The following SPOCK1 variants were observed in gnomAD, a reference collection of about 807,000 sequenced individuals.
SPOCK1 encodes testican-1.
SPOCK1 carries 23 observed loss-of-function variants against 55.3 expected under a neutral mutation model. The ratio of observed to expected loss-of-function variants is 0.42; its 90% CI spans 0.30 to 0.59. The LOEUF (loss-of-function observed/expected upper bound fraction) is 0.59, where lower values mean the gene tolerates loss of function less well. SPOCK1 is among the 20% of genes least tolerant of loss of function. The pLI, the probability that SPOCK1 is intolerant of heterozygous loss-of-function variation, is 0.22. For synonymous variants in SPOCK1, 226 were observed against 221.0 expected (o/e 1.02, Z -0.20); for missense variants, 499 against 552.5 (o/e 0.90, Z 0.97).
intron 2 of SPOCK1, among the ~76,000 whole-genome samples, chr5:137,440,681 T>C (rs1030464660): frequency 5.3e-5 from 8 of 152,228 alleles, no homozygotes; most frequent in African/African-American, 1.9e-4. Flanking sequence ...AAATGGAAAT[T>C]GTGTCGTGAT....
chr5:136,996,863 G>A (rs1161076951), intron 6 of SPOCK1, among the ~76,000 whole-genome samples: 1 of 152,124 alleles, frequency 6.6e-6, no homozygotes. Context: ...ACCCCAGCCA[G>A]CAGCGGCAAC....
At chr5:137,447,628 C>CG (rs1580932490) in intron 2 of SPOCK1, among the ~76,000 whole-genome samples, 8 of 78 alleles carry the variant, frequency 0.1, no homozygotes, top group Non-Finnish European at 0.16. Flanking sequence ...ATATGACCCA[C>CG]ACCACCACCA....
At chr5:137,036,837 G>C (rs1737332616) in intron 6 of SPOCK1, among the ~76,000 whole-genome samples, 1 of 152,156 alleles carries the variant, frequency 6.6e-6, no homozygotes, top group African/African-American at 2.4e-5. Flanking sequence ...CATTTAAAGT[G>C]CTATTGATTT....
intron 2 of SPOCK1, among the ~76,000 whole-genome samples, chr5:137,306,127 G>A (rs1032752149): frequency 6.6e-6 from 1 of 152,188 alleles, no homozygotes; most frequent in Non-Finnish European, 1.5e-5. Context: ...TAAGAATGGG[G>A]CGAGAAGTCA....
intron 2 of SPOCK1, among the ~76,000 whole-genome samples, chr5:137,287,570 C>G (rs537537769): frequency 6.6e-6 from 1 of 152,234 alleles, no homozygotes; most frequent in East Asian, 1.9e-4. Context: ...AGAAACTACA[C>G]TTTCCATTTT....
chr5:137,155,878 C>G (rs1326502690), intron 3 of SPOCK1, among the ~76,000 whole-genome samples: 1 of 152,152 alleles, frequency 6.6e-6, no homozygotes, highest in African/African-American at 2.4e-5. Flanking sequence ...GAGGGCAGAC[C>G]CACTGGGCGG....
At chr5:137,154,389 G>T (rs1754374567) in intron 3 of SPOCK1, among the ~76,000 whole-genome samples, 1 of 152,236 alleles carries the variant, frequency 6.6e-6, no homozygotes, top group Non-Finnish European at 1.5e-5. Flanking sequence ...GCCACAATCT[G>T]ACAAGACAGA....
chr5:137,012,349 G>A (rs925999927), intron 6 of SPOCK1, among the ~76,000 whole-genome samples: 5 of 152,120 alleles, frequency 3.3e-5, no homozygotes, highest in Admixed American at 2.0e-4. Flanking sequence ...AGGACGAGCT[G>A]GAGAAAGAAG....
chr5:137,242,335 G>T (rs1756298838), intron 3 of SPOCK1, among the ~76,000 whole-genome samples: 1 of 152,140 alleles, frequency 6.6e-6, no homozygotes, highest in African/African-American at 2.4e-5. Context: ...TCTCATGATG[G>T]TGAATAAGTC....
rs139974777 is a variant in SPOCK1, at chr5:137,403,625, G to A, written c.186+94748C>T. Among the ~76,000 whole-genome samples, 3 of 152,140 alleles carry A rather than the reference G, an allele frequency of 2.0e-5. No homozygotes were observed. The East Asian group carries it at 5.9e-4, about 30-fold the overall frequency. Reference sequence around the variant, plus strand: ...GCCAGGTTGTAGTAATAAATGGGATGGTGAGGGAGGCCTCCTTGGTGAGGA... The same window carrying A: ...GCCAGGTTGTAGTAATAAATGGGATAGTGAGGGAGGCCTCCTTGGTGAGGA... On this transcript the variant is annotated intron_variant, in intron 2 of 10. Transcript: ENST00000394945.
intron 2 of SPOCK1, among the ~76,000 whole-genome samples, chr5:137,339,860 G>A (rs1385807599): frequency 1.3e-5 from 2 of 152,126 alleles, no homozygotes; most frequent in Non-Finnish European, 2.9e-5. Context: ...CAAATTGGAA[G>A]CCCCTGGGAT....
chr5:137,232,531 C>A (rs757009586), intron 3 of SPOCK1, among the ~76,000 whole-genome samples: 1 of 152,190 alleles, frequency 6.6e-6, no homozygotes, highest in Non-Finnish European at 1.5e-5. Context: ...TTCTGTTTCA[C>A]GGATCCATGT....
intron 3 of SPOCK1, among the ~76,000 whole-genome samples, chr5:137,185,032 A>G (rs1755039774): frequency 1.3e-5 from 2 of 152,134 alleles, no homozygotes; most frequent in African/African-American, 2.4e-5. Context: ...TGTCTTGTTG[A>G]CCACTGTATC....
intron 3 of SPOCK1, among the ~76,000 whole-genome samples, chr5:137,159,703 GGT>G (rs1344305983): frequency 8.5e-5 from 13 of 152,058 alleles, no homozygotes; most frequent in Non-Finnish European, 1.5e-4. Context: ...AGTATTCTAC[GGT>G]GTATATATAC....
chr5:137,224,665 G>A (rs574746269), intron 3 of SPOCK1, among the ~76,000 whole-genome samples: 23 of 152,228 alleles, frequency 1.5e-4, no homozygotes, highest in Non-Finnish European at 2.8e-4. Flanking sequence ...TCATACACAC[G>A]GCTTCATGAA....
At chr5:137,314,703 A>G (rs1757846270) in intron 2 of SPOCK1, among the ~76,000 whole-genome samples, 1 of 152,136 alleles carries the variant, frequency 6.6e-6, no homozygotes, top group Non-Finnish European at 1.5e-5. Context: ...GCCTGGCTCT[A>G]TTTAAAAGGA....
In SPOCK1 at chr5:137,209,494, T is replaced by C. The variant is rs1755572838; in HGVS notation, c.232+57516A>G. Among the ~76,000 whole-genome samples the C allele has an allele frequency of 2.0e-5, 3 of 152,218 alleles. No individual in the cohort carries two copies. The South Asian group carries it at 6.2e-4, about 32-fold the overall frequency. ...AAGTTGGAAGCAGGCAGCATTACCA[T>C]TGGCAGTAAATGTGAAACCATTTTC... On this transcript the variant is annotated intron_variant, in intron 3 of 10. Transcript: ENST00000394945.
At chr5:137,397,148 C>G (rs1328280431) in intron 2 of SPOCK1, among the ~76,000 whole-genome samples, 1 of 152,094 alleles carries the variant, frequency 6.6e-6, no homozygotes, top group African/African-American at 2.4e-5. Context: ...TGATGTCAGG[C>G]CAAAGAGTCA....
chr5:137,404,979 C>T (rs1218763998), intron 2 of SPOCK1, among the ~76,000 whole-genome samples: 1 of 152,112 alleles, frequency 6.6e-6, no homozygotes, highest in Non-Finnish European at 1.5e-5. Context: ...ACATTCATAC[C>T]AGGAGCCAGC....
Sources: gnomAD v4.1 joint callset for allele counts (sites outside exome capture counted in the v4.1 genomes callset) on GRCh38, gnomAD v4.1.1 for gene constraint, MANE v1.5 for transcripts, NCBI Gene and HGNC (gene_info 2026-07-23, HGNC 2026-07-21) for gene names.